The following AGBL1 variants were observed in gnomAD, a reference collection of about 807,000 sequenced individuals.
AGBL1 encodes the protein AGBL carboxypeptidase 1.
Under a neutral mutation model 118.9 loss-of-function variants are expected in AGBL1, and 130 were observed. The ratio of observed to expected loss-of-function variants is 1.09; its 90% CI spans 0.95 to 1.26. The LOEUF is 1.26. AGBL1 is among the 50% of genes most tolerant of loss of function. AGBL1 has a pLI of 0.00. For missense variants in AGBL1, 1,584 were observed against 1,298.1 expected, an observed-to-expected ratio of 1.22 and a Z score of -3.38; for synonymous variants, 555 against 478.9, an observed-to-expected ratio of 1.16 and a Z score of -2.08.
intron 1 of AGBL1, among the ~76,000 whole-genome samples, chr15:86,136,298 C>T (rs949436835): frequency 1.3e-5 from 2 of 152,210 alleles, no homozygotes; most frequent in African/African-American, 4.8e-5. Context: ...AAATAACCAG[C>T]ATCAAGTAAG....
chr15:86,418,989 A>G (rs891335805), intron 18 of AGBL1, among the ~76,000 whole-genome samples: 4 of 152,208 alleles, frequency 2.6e-5, no homozygotes, highest in Non-Finnish European at 5.9e-5. Context: ...GCTCTGTAGT[A>G]CTAACCAAGT....
intron 23 of AGBL1, chr15:86,939,182 A>C (rs2141650234): frequency 6.6e-6 from 1 of 152,586 alleles, no homozygotes; most frequent in African/African-American, 2.4e-5. Flanking sequence ...TTGCCAAAGG[A>C]GATTAACATT....
intron 18 of AGBL1, among the ~76,000 whole-genome samples, chr15:86,417,162 C>T (rs1017848757): frequency 1.3e-4 from 20 of 152,218 alleles, no homozygotes; most frequent in African/African-American, 4.8e-4. Context: ...TATTTCCTCT[C>T]ATGTGAACTT....
At chr15:86,949,696 C>T (rs961445330) in intron 23 of AGBL1, among the ~76,000 whole-genome samples, 9 of 151,700 alleles carry the variant, frequency 5.9e-5, no homozygotes, top group Admixed American at 3.9e-4. Context: ...CATTCTAGAA[C>T]CTGGAAGAAA....
chr15:86,824,251 C>A (rs1347986386), intron 22 of AGBL1, among the ~76,000 whole-genome samples: 1 of 151,910 alleles, frequency 6.6e-6, no homozygotes, highest in Non-Finnish European at 1.5e-5. Flanking sequence ...ATTGTAGAAT[C>A]TAAGATCAAT....
chr15:86,581,599 T>C (rs2084173382), intron 21 of AGBL1, among the ~76,000 whole-genome samples: 1 of 152,182 alleles, frequency 6.6e-6, no homozygotes, highest in Admixed American at 6.6e-5. Context: ...CCAGTTTCCA[T>C]AACAAATCAA....
intron 22 of AGBL1, among the ~76,000 whole-genome samples, chr15:86,882,783 C>T (rs2079914467): frequency 6.6e-6 from 1 of 152,102 alleles, no homozygotes; most frequent in Non-Finnish European, 1.5e-5. Context: ...TTCTCTAAAT[C>T]CTCCTAAGTC....
intron 18 of AGBL1, among the ~76,000 whole-genome samples, chr15:86,489,479 A>C (rs1006503614): frequency 1.3e-5 from 2 of 152,296 alleles, no homozygotes; most frequent in African/African-American, 4.8e-5. Flanking sequence ...AAAACATATA[A>C]ATAAGCAACT....
chr15:86,473,484 C>G (rs2082509128), intron 18 of AGBL1, among the ~76,000 whole-genome samples: 1 of 151,956 alleles, frequency 6.6e-6, no homozygotes, highest in Non-Finnish European at 1.5e-5. Flanking sequence ...CAGTTAATAA[C>G]TGTTAATATT....
At chr15:86,576,361 C>T (rs138587801) in intron 21 of AGBL1, among the ~76,000 whole-genome samples, 374 of 151,946 alleles carry the variant, frequency 2.5e-3, no homozygotes, top group African/African-American at 8.7e-3. Flanking sequence ...GAGACTTCAG[C>T]ACAGGCACTG....
chr15:86,258,758 G>A (rs1213083061), intron 9 of AGBL1, among the ~76,000 whole-genome samples: 1 of 152,098 alleles, frequency 6.6e-6, no homozygotes, highest in Non-Finnish European at 1.5e-5. Flanking sequence ...CCAGGCTGGA[G>A]TGCAGTGGTG....
chr15:86,261,777 G>A (rs6496316), intron 9 of AGBL1, among the ~76,000 whole-genome samples: 4,371 of 152,038 alleles, frequency 0.029, 75 homozygotes, highest in Middle Eastern at 0.058. Context: ...AAAAGGTTTC[G>A]AAATGGTGAT....
chr15:86,971,622 G>C (rs1412831791), intron 23 of AGBL1, among the ~76,000 whole-genome samples: 1 of 151,964 alleles, frequency 6.6e-6, no homozygotes, highest in Non-Finnish European at 1.5e-5. Context: ...TACTAAGTCA[G>C]TAAAATACAT....
chr15:86,831,830 G>A (rs1234667084), intron 22 of AGBL1, among the ~76,000 whole-genome samples: 1 of 152,128 alleles, frequency 6.6e-6, no homozygotes, highest in African/African-American at 2.4e-5. Flanking sequence ...TCTGTGTGGG[G>A]GCTTGCACCC....
At chr15:86,319,743 G>GTTTTTTTTTTTTTTTTTTTTT (rs139831044) in intron 17 of AGBL1, among the ~76,000 whole-genome samples, 1 of 47,230 alleles carries the variant, frequency 2.1e-5, no homozygotes, top group Non-Finnish European at 3.6e-5. Context: ...CTCTTTGGTA[G>GTTTTTTTTTTTTTTTTTTTTT]TTTTTTTTTT....
intron 22 of AGBL1, among the ~76,000 whole-genome samples, chr15:86,779,115 T>A (rs2078297313): frequency 1.3e-5 from 2 of 149,916 alleles, no homozygotes; most frequent in Non-Finnish European, 1.5e-5. Context: ...CTTTGACTCA[T>A]CACCCTTCCT....
At chr15:86,160,482 G>A (rs1025896304) in intron 5 of AGBL1, among the ~76,000 whole-genome samples, 4 of 152,142 alleles carry the variant, frequency 2.6e-5, no homozygotes, top group African/African-American at 9.7e-5. Context: ...TAGTGCTGGG[G>A]TGTTGATGGA....
At chr15:86,938,171 G>C (rs1405629832) in intron 23 of AGBL1, among the ~76,000 whole-genome samples, 2 of 152,166 alleles carry the variant, frequency 1.3e-5, no homozygotes, top group Admixed American at 1.3e-4. Flanking sequence ...GCTTCTGTGG[G>C]AAGACTTGCT....
In AGBL1 at chr15:86,974,555, ATAATATAAATT is replaced by A. The variant is rs1410627627; in HGVS notation, c.3222-13431_3222-13421del. ...AAATATATAAAAATTATATAATTAT[ATAATATAAATT>A]ATATATATTAAATATATAAAAATTA... On this transcript the variant is annotated intron_variant, in intron 23 of 24. Coordinates refer to the AGBL1 transcript ENST00000441037. 9.8e-3 allele frequency among the ~76,000 whole-genome samples: 1,266 copies of A among 129,706 alleles called. 45 individuals are homozygous for A. Among genetic ancestry groups the A allele is most frequent in the Middle Eastern group, 0.018 (4 of 222 alleles). 85.1% of individuals were successfully genotyped at this position (129,706 alleles called of 152,430 possible). A position where few individuals can be genotyped will look rare whatever the true frequency, so the allele number is the denominator to read the frequency against.
Sources: gnomAD v4.1 joint callset for allele counts (sites outside exome capture counted in the v4.1 genomes callset) on GRCh38, gnomAD v4.1.1 for gene constraint, MANE v1.5 for transcripts, NCBI Gene and HGNC (gene_info 2026-07-23, HGNC 2026-07-21) for gene names.